Variants in ADAMTS17 observed in about 807,000 individuals in gnomAD.
ADAMTS17 encodes ADAM metallopeptidase with thrombospondin type 1 motif 17.
In ADAMTS17, 113 loss-of-function variants were observed where a neutral mutation model predicts 141.5. The ratio of observed to expected loss-of-function variants is 0.80; its 90% confidence interval spans 0.69 to 0.93. The LOEUF is 0.93. Among genes scored for constraint, ADAMTS17 ranks in the 40% least tolerant of loss-of-function variants. The pLI is 0.00. For synonymous variants in ADAMTS17, 768 were observed against 630.6 expected, an observed-to-expected ratio of 1.22 and a Z score of -3.27; for missense variants, 1,659 against 1,517.9, an observed-to-expected ratio of 1.09 and a Z score of -1.54.
chr15:100,012,021 T>C (rs1198887554), intron 18 of ADAMTS17, among the ~76,000 whole-genome samples: 2 of 152,242 alleles, frequency 1.3e-5, no homozygotes, highest in African/African-American at 4.8e-5. Flanking sequence ...AGTGTAGAAG[T>C]GTTCCCTGAT....
At chr15:100,245,065 T>A (rs938110443) in intron 7 of ADAMTS17, among the ~76,000 whole-genome samples, 2 of 152,176 alleles carry the variant, frequency 1.3e-5, no homozygotes, top group Admixed American at 6.5e-5. Context: ...AAGCTTGCCA[T>A]GAGGCGTTCC....
chr15:100,188,689 G>C (rs920508414), intron 8 of ADAMTS17, among the ~76,000 whole-genome samples: 1 of 152,210 alleles, frequency 6.6e-6, no homozygotes, highest in Admixed American at 6.5e-5. Flanking sequence ...GGTAGGATCA[G>C]TGGTGGCTGT....
At chr15:99,976,499 CA>C in intron 20 of ADAMTS17, 3 of 584,868 alleles carry the variant, frequency 5.1e-6, no homozygotes, top group Non-Finnish European at 9.2e-6. Flanking sequence ...TCATTCAGGG[CA>C]AAAACAGCAG....
chr15:100,052,607 T>C (rs937304588), intron 16 of ADAMTS17, among the ~76,000 whole-genome samples: 1 of 152,224 alleles, frequency 6.6e-6, no homozygotes, highest in East Asian at 1.9e-4. Flanking sequence ...CAAATTCTCA[T>C]GCTAACAGGT....
chr15:99,986,292 A>G (rs2060585151), intron 20 of ADAMTS17, among the ~76,000 whole-genome samples: 1 of 152,242 alleles, frequency 6.6e-6, no homozygotes, highest in African/African-American at 2.4e-5. Flanking sequence ...TCAAGCCTGT[A>G]TCTCCTTGCC....
chr15:100,081,509 G>A (rs1160906271), intron 15 of ADAMTS17, among the ~76,000 whole-genome samples: 1 of 152,152 alleles, frequency 6.6e-6, no homozygotes, highest in Non-Finnish European at 1.5e-5. Flanking sequence ...TATATGGCAT[G>A]TGAATTCTAT....
chr15:100,006,359 C>T (rs574590429), intron 18 of ADAMTS17, among the ~76,000 whole-genome samples: 1 of 152,312 alleles, frequency 6.6e-6, no homozygotes, highest in South Asian at 2.1e-4. Context: ...AACTCAGCTC[C>T]TATTTAAAAT....
At chr15:100,206,510 T>C (rs2041570083) in intron 7 of ADAMTS17, among the ~76,000 whole-genome samples, 1 of 152,206 alleles carries the variant, frequency 6.6e-6, no homozygotes. Flanking sequence ...AATTTTAAAA[T>C]GAACTTGCCT....
At chr15:100,302,735 A>G (rs2045085121) in intron 3 of ADAMTS17, among the ~76,000 whole-genome samples, 1 of 152,162 alleles carries the variant, frequency 6.6e-6, no homozygotes, top group Admixed American at 6.5e-5. Context: ...TGTCAATTTG[A>G]CTGGATTGAA....
rs540369593 is a variant in ADAMTS17, at chr15:100,305,007, A to G, written c.617-23606T>C. On this transcript the variant is annotated intron_variant, in intron 3 of 21. Transcript: ENST00000268070. ...ACTATATTGAAAGAATACAGTATAC[A>G]ATACCCATTGTTTATGTTAACAGTA... Among the ~76,000 whole-genome samples, 33 of 152,342 alleles carry G rather than the reference A, an allele frequency of 2.2e-4. No individual in the cohort carries two copies. In the East Asian group the frequency reaches 5.8e-3, roughly 27 times the overall value.
At chr15:100,218,735 G>A (rs770978861) in intron 7 of ADAMTS17, among the ~76,000 whole-genome samples, 3 of 152,086 alleles carry the variant, frequency 2.0e-5, no homozygotes, top group Admixed American at 6.5e-5. Flanking sequence ...TCACATATAC[G>A]AAAGAACTGA....
At chr15:100,051,835 G>C in intron 16 of ADAMTS17, 104 bp from the exon 17 acceptor site, 1 of 1,417,524 alleles carries the variant, frequency 7.1e-7, no homozygotes. Context: ...CTTTATGAGG[G>C]GTAACCAGCT....
chr15:100,022,979 T>G (rs1370862813), intron 18 of ADAMTS17, among the ~76,000 whole-genome samples: 1 of 152,138 alleles, frequency 6.6e-6, no homozygotes, highest in Non-Finnish European at 1.5e-5. Flanking sequence ...GCACTGCTTC[T>G]TCTTGAATTT....
chr15:100,298,256 A>G (rs2044894447), intron 3 of ADAMTS17, among the ~76,000 whole-genome samples: 2 of 152,194 alleles, frequency 1.3e-5, no homozygotes, highest in Admixed American at 1.3e-4. Flanking sequence ...ACCCAGGCCC[A>G]CTGAAGACTG....
intron 8 of ADAMTS17, among the ~76,000 whole-genome samples, chr15:100,163,628 G>C (rs1169490186): frequency 6.6e-6 from 1 of 152,176 alleles, no homozygotes; most frequent in Non-Finnish European, 1.5e-5. Context: ...TGGGATTACA[G>C]GTGCACGCCA....
intron 15 of ADAMTS17, among the ~76,000 whole-genome samples, chr15:100,064,273 C>T (rs2033355775): frequency 6.6e-6 from 1 of 152,192 alleles, no homozygotes; most frequent in Admixed American, 6.5e-5. Context: ...ACAGATCCTC[C>T]CTCGTGACCT....
intron 14 of ADAMTS17, among the ~76,000 whole-genome samples, chr15:100,106,046 G>C (rs887680580): frequency 2.6e-5 from 4 of 152,014 alleles, no homozygotes; most frequent in Admixed American, 6.5e-5. Flanking sequence ...ACGTAGGCTG[G>C]AGTGCAGTGG....
intron 7 of ADAMTS17, among the ~76,000 whole-genome samples, chr15:100,199,625 C>T (rs1018415789): frequency 1.3e-5 from 2 of 152,320 alleles, no homozygotes; most frequent in Non-Finnish European, 2.9e-5. Flanking sequence ...CGCAAGCATC[C>T]ATCAGGCATC....
chr15:100,257,286 G>A (rs971409386), intron 6 of ADAMTS17, among the ~76,000 whole-genome samples: 2 of 152,148 alleles, frequency 1.3e-5, no homozygotes, highest in Admixed American at 1.3e-4. Context: ...CCCAACCTAG[G>A]GAATTGCAGC....
Sources: allele counts gnomAD v4.1 joint callset (sites outside exome capture counted in the v4.1 genomes callset), GRCh38; gene constraint gnomAD v4.1.1; transcripts MANE v1.5; gene names NCBI Gene and HGNC (gene_info 2026-07-23, HGNC 2026-07-21).